Variants in MYH11 observed in about 807,000 individuals in gnomAD.
The protein encoded by MYH11 is myosin heavy chain 11, also known as myosin-11.
A neutral mutation model predicts 246.6 loss-of-function variants in MYH11; 80 were observed. The observed-to-expected ratio is 0.32, with a 90% CI of 0.27 to 0.39. MYH11 has a LOEUF of 0.39. Among genes scored for constraint, MYH11 ranks in the 10% least tolerant of loss-of-function variants. The probability of loss-of-function intolerance (pLI) is 1.00; values close to 1 mark genes in which losing one functional copy is unlikely to be tolerated. For missense variants in MYH11, 2,158 were observed against 2,546.8 expected (o/e 0.85, Z 3.29); for synonymous variants, 1,071 against 1,015.5 (o/e 1.05, Z -1.04).
Position 15,721,483 on chromosome 16 carries a change from T to C in MYH11, c.4517A>G (p.Asn1506Ser), listed in dbSNP as rs1060500727. ...LEAKEELERT[N>S]KMLKAEMEDL... ...TTCCATTTCGGCTTTGAGCATTTTG[T>C]TGGTCCGCTCGAGTTCCTCTTTGGC... Residue 1506 changes from asparagine (N) to serine (S), a missense_variant, in exon 32 of 41, where the codon AAC (asparagine) becomes AGC (serine). Asn to Ser is a conservative substitution (Grantham distance 46, BLOSUM62 1). Coordinates refer to ENST00000300036, the MANE Select transcript of MYH11 (RefSeq NM_002474.3). 3.1e-6 allele frequency: 5 copies of C among 1,614,206 alleles called. No homozygotes were observed. Among genetic ancestry groups the C allele is most frequent in the Middle Eastern group, 3.3e-4 (2 of 6,062 alleles).
At position 15,725,095 on chromosome 16, in the gene MYH11, CACTG is replaced by C. The variant is rs2040684881; in HGVS notation, c.3859-107_3859-104del. ...CACATGGGCTAGTACTTGAGGTGTT[CACTG>C]ATTGAGAAAATACCCGTGAGGTATG... is the stretch of plus-strand genomic sequence containing the variant. On this transcript the variant is annotated intron_variant, in intron 28 of 40. Coordinates refer to ENST00000300036, the MANE Select transcript of MYH11 (RefSeq NM_002474.3). The C allele has an allele frequency of 3.4e-6, 3 of 870,550 alleles. No homozygotes were observed. The East Asian group carries it at 8.0e-5, about 23-fold the overall frequency. 53.9% of individuals were successfully genotyped at this position (870,550 alleles called of 1,614,324 possible). A position where few individuals can be genotyped will look rare whatever the true frequency, so the allele number is the denominator to read the frequency against.
intron 3 of MYH11, among the ~76,000 whole-genome samples, chr16:15,801,537 C>A (rs2042886331): frequency 6.6e-6 from 1 of 151,666 alleles, no homozygotes; most frequent in Non-Finnish European, 1.5e-5. Context: ...TAGACATACC[C>A]CTTGTCCCAG....
chr16:15,759,370 C>T lies in MYH11; in HGVS notation c.1401+206G>A, dbSNP rs117471141. Among the ~76,000 whole-genome samples the T allele has an allele frequency of 0.023, 3,575 of 152,152 alleles. 70 individuals carry two copies. Among genetic ancestry groups the T allele is most frequent in the South Asian group, 0.072 (346 of 4,808 alleles). On this transcript the variant is annotated intron_variant, in intron 12 of 40. Coordinates refer to ENST00000300036, the MANE Select transcript of MYH11 (RefSeq NM_002474.3). ...AGACCCTGCCTACGGGATCCAGCTA[C>T]ATGTCTGGCCTTCTCAGTTCCAGAA... is the stretch of plus-strand genomic sequence containing the variant.
At chr16:15,782,205 T>A (rs1596828669) in intron 6 of MYH11, among the ~76,000 whole-genome samples, 180 bp downstream of exon 6, 1 of 152,090 alleles carries the variant, frequency 6.6e-6, no homozygotes, top group Admixed American at 6.6e-5. Flanking sequence ...GAGTGAATAG[T>A]GAATAAATTA....
chr16:15,793,296 C>A (rs2042658521), intron 4 of MYH11, among the ~76,000 whole-genome samples: 1 of 151,828 alleles, frequency 6.6e-6, no homozygotes, highest in African/African-American at 2.4e-5. Flanking sequence ...TCCTTCCCTT[C>A]CTTTCCTTCC....
chr16:15,852,725 T>C (rs577106306), intron 1 of MYH11, among the ~76,000 whole-genome samples: 1 of 152,280 alleles, frequency 6.6e-6, no homozygotes, highest in African/African-American at 2.4e-5. Context: ...TCTGGGAATT[T>C]ATCCTACAGA....
At chr16:15,790,078 G>T (rs997801824) in intron 4 of MYH11, among the ~76,000 whole-genome samples, 7 of 152,204 alleles carry the variant, frequency 4.6e-5, no homozygotes, top group African/African-American at 1.7e-4. Flanking sequence ...GCTGAGGCGG[G>T]TGGATCACTT....
Position 15,823,316 on chromosome 16 carries a change from C to A in MYH11, c.441G>T (p.Arg147Ser). ...KIVDMYKGKK[R>S]HEMPPHIYAI... is the part of the protein sequence containing the mutation. ...CGTAGATGTGAGGCGGCATCTCGTG[C>A]CTCTTCTTGCCCTTGTACATGTCGA... The change falls in exon 3 of 41, where the codon AGG becomes AGT. Residue 147 changes from arginine (R) to serine (S), a missense_variant. By Grantham distance (110) the Arg-to-Ser change is moderately radical. Transcript: ENST00000300036. 1 of 1,614,170 alleles carries A rather than the reference C, an allele frequency of 6.2e-7. No individual in the cohort carries two copies. The highest frequency in any genetic ancestry group is 1.3e-5 in the African/African-American group (1 of 75,036).
rs144421849 is a variant in MYH11 at position 15,718,384 on chromosome 16, C to G, written c.5226G>C (p.Glu1742Asp). 3.2e-4 allele frequency: 512 copies of G among 1,604,814 alleles called. 8 individuals are homozygous for G. The highest frequency in any genetic ancestry group is 3.1e-3 in the South Asian group (280 of 90,334). Residue 1742 changes from glutamate to aspartate, a missense_variant, in exon 37 of 41, where the codon GAG becomes GAC. By Grantham distance (45) the Glu-to-Asp change is conservative. Coordinates refer to ENST00000300036, the MANE Select transcript of MYH11 (RefSeq NM_002474.3). ...TGCCCTGCTCCTCCTCCAGCTCCTC[C>G]TCCAGCTGGGCGATCCGGGCCTCCA... ...RRLEARIAQL[E>D]EELEEEQGNM...
chr16:15,718,085 CGCCGTGGCT>C, intron 37 of MYH11: 1 of 658,932 alleles, frequency 1.5e-6, no homozygotes, highest in Non-Finnish European at 2.5e-6. Context: ...GAGCCAGCCA[CGCCGTGGCT>C]GGAAAATGAG....
intron 37 of MYH11, 158 bp from the exon 38 acceptor site, chr16:15,717,506 T>G (rs781350984): frequency 2.5e-5 from 18 of 730,966 alleles, no homozygotes; most frequent in South Asian, 1.6e-4. Flanking sequence ...CTCAAGAGCT[T>G]CTTCCAGGCC....
chr16:15,731,748 T>A (rs1199878326), intron 27 of MYH11, among the ~76,000 whole-genome samples: 1 of 151,420 alleles, frequency 6.6e-6, no homozygotes, highest in Non-Finnish European at 1.5e-5. Context: ...CCGCCTTGCC[T>A]CCCAAATTGC....
At chr16:15,763,738 A>ACCT in intron 10 of MYH11, 58 bp downstream of exon 10, 2 of 717,694 alleles carry the variant, frequency 2.8e-6, no homozygotes, top group African/African-American at 1.8e-5. Context: ...GTTAAATGTC[A>ACCT]CCTCCCCCAC....
chr16:15,823,160 G>C (rs1211045825), intron 3 of MYH11, 95 bp downstream of exon 3: 1 of 1,543,446 alleles, frequency 6.5e-7, no homozygotes. Flanking sequence ...CCCTCGCAGT[G>C]CCTGCCAAAC....
At chr16:15,796,919 G>T (rs1284012813) in intron 4 of MYH11, among the ~76,000 whole-genome samples, 1 of 152,172 alleles carries the variant, frequency 6.6e-6, no homozygotes, top group Non-Finnish European at 1.5e-5. Flanking sequence ...TATATCTCTA[G>T]ATCCAGACTA....
At chr16:15,851,834 T>TA (rs1443667556) in intron 1 of MYH11, among the ~76,000 whole-genome samples, 1 of 152,154 alleles carries the variant, frequency 6.6e-6, no homozygotes, top group African/African-American at 2.4e-5. Context: ...TGGCAAGAGT[T>TA]ACGGTAGCCC....
intron 3 of MYH11, among the ~76,000 whole-genome samples, chr16:15,811,954 C>T (rs1179294093): frequency 6.6e-6 from 1 of 152,174 alleles, no homozygotes; most frequent in Admixed American, 6.5e-5. Context: ...CTCCTACACC[C>T]CAGGGACCCA....
At chr16:15,788,077 C>CTT (rs1555569336) in intron 4 of MYH11, among the ~76,000 whole-genome samples, 1,863 of 55,358 alleles carry the variant, frequency 0.034, 307 homozygotes, top group African/African-American at 0.1. Flanking sequence ...GAAGGTAGAT[C>CTT]TTTTTTTTTT....
intron 6 of MYH11, among the ~76,000 whole-genome samples, chr16:15,780,329 C>T (rs540343884): frequency 6.6e-6 from 1 of 152,136 alleles, no homozygotes; most frequent in South Asian, 2.1e-4. Flanking sequence ...GGGAGTCCTG[C>T]AATGACCTGG....
Sources: allele counts gnomAD v4.1 joint callset (sites outside exome capture counted in the v4.1 genomes callset), GRCh38; gene constraint gnomAD v4.1.1; transcripts MANE v1.5; gene names NCBI Gene and HGNC (gene_info 2026-07-23, HGNC 2026-07-21).